Variants in ANO4 observed in about 807,000 individuals in gnomAD.
ANO4 encodes the protein anoctamin 4.
In ANO4, 69 loss-of-function variants were observed where a neutral mutation model predicts 141.9. The observed-to-expected ratio is 0.49, with a 90% CI of 0.40 to 0.59. The LOEUF is 0.59. Among genes scored for constraint, ANO4 ranks in the 20% least tolerant of loss-of-function variants. The pLI, the probability that ANO4 is intolerant of heterozygous loss-of-function variation, is 0.00. For missense variants in ANO4, 894 were observed against 1,162.2 expected, an observed-to-expected ratio of 0.77 and a Z score of 3.36; for synonymous variants, 350 against 394.3, an observed-to-expected ratio of 0.89 and a Z score of 1.33.
At chr12:100,765,667 C>G (rs1249724320) in intron 3 of ANO4, among the ~76,000 whole-genome samples, 2 of 148,584 alleles carry the variant, frequency 1.3e-5, no homozygotes, top group Admixed American at 6.7e-5. Flanking sequence ...TGAGCTACCA[C>G]GCCTGGCCTT....
At chr12:100,773,403 C>A (rs1430096008) in intron 3 of ANO4, among the ~76,000 whole-genome samples, 10 of 152,236 alleles carry the variant, frequency 6.6e-5, no homozygotes, top group Non-Finnish European at 1.5e-4. Context: ...TGAACCTGGT[C>A]ATTGCACAAG....
intron 14 of ANO4, among the ~76,000 whole-genome samples, chr12:101,050,091 G>C (rs1462273270): frequency 6.6e-6 from 1 of 152,172 alleles, no homozygotes; most frequent in Non-Finnish European, 1.5e-5. Flanking sequence ...GGAGGAATTA[G>C]GAGGCTGAAG....
At chr12:100,991,702 T>C (rs2045116076) in intron 8 of ANO4, among the ~76,000 whole-genome samples, 1 of 152,160 alleles carries the variant, frequency 6.6e-6, no homozygotes. Flanking sequence ...TTTTAATTAC[T>C]TTCTCCAAGT....
chr12:100,870,656 G>A (rs1038954879), intron 1 of ANO4, among the ~76,000 whole-genome samples: 46 of 152,038 alleles, frequency 3.0e-4, no homozygotes, highest in Admixed American at 4.6e-4. Context: ...ATTGGGGTTT[G>A]AAAACTCTTT....
At chr12:100,973,723 C>T (rs1313866087) in intron 6 of ANO4, among the ~76,000 whole-genome samples, 4 of 152,126 alleles carry the variant, frequency 2.6e-5, no homozygotes, top group Non-Finnish European at 5.9e-5. Context: ...TAACTAAAGT[C>T]CATAGTTTAC....
chr12:100,787,818 T>A (rs80261804), intron 3 of ANO4, among the ~76,000 whole-genome samples: 6 of 152,074 alleles, frequency 3.9e-5, no homozygotes, highest in African/African-American at 4.8e-5. Context: ...ACAGAGTAGA[T>A]AGCGATGCAT....
At chr12:100,905,362 G>A (rs985083053) in intron 2 of ANO4, among the ~76,000 whole-genome samples, 15 of 152,160 alleles carry the variant, frequency 9.9e-5, no homozygotes, top group African/African-American at 3.4e-4. Flanking sequence ...AAGAGGACAT[G>A]AACCACGAGC....
In ANO4 at chr12:100,939,330, A is replaced by G. The variant is rs758889069; in HGVS notation, c.176A>G (p.Asn59Ser). 6.2e-6 allele frequency: 10 copies of G among 1,613,366 alleles called. No individual in the cohort carries two copies. The highest frequency in any genetic ancestry group is 3.3e-5 in the South Asian group (3 of 90,988). ...TTGGTTCTAGTGGCCAAGGATGTCA[A>G]TATTCTTTTTGATGAATTAGAAGCT... ...NAIQEMAKDVNILFDELEAVS... is the reference protein window; with the variant it reads ...NAIQEMAKDVSILFDELEAVS... The change falls in exon 4 of 28, where the codon AAT (asparagine) becomes AGT (serine). Residue 59 changes from asparagine (N) to serine (S), a missense_variant. Around this residue, in one of 2 missense-constraint regions of ANO4, gnomAD observed 257 missense variants for 253.0 expected, o/e 1.02. Transcript: ENST00000392977.
chr12:101,077,782 C>T (rs963167401), intron 14 of ANO4, among the ~76,000 whole-genome samples: 1 of 152,140 alleles, frequency 6.6e-6, no homozygotes, highest in Non-Finnish European at 1.5e-5. Context: ...GGTCAGGGCT[C>T]ACCACCAGAT....
At chr12:100,940,525 C>T (rs2042466151) in intron 4 of ANO4, among the ~76,000 whole-genome samples, 1 of 152,202 alleles carries the variant, frequency 6.6e-6, no homozygotes, top group Non-Finnish European at 1.5e-5. Context: ...AACTAAAGTG[C>T]TTATTCAGGT....
chr12:100,795,699 A>C (rs749298508), intron 1 of ANO4, among the ~76,000 whole-genome samples: 1 of 152,080 alleles, frequency 6.6e-6, no homozygotes, highest in African/African-American at 2.4e-5. Flanking sequence ...CTCTTCAGAG[A>C]GTGGTAGGGC....
intron 3 of ANO4, among the ~76,000 whole-genome samples, chr12:100,757,196 GT>G (rs1413351881): frequency 6.6e-6 from 1 of 152,158 alleles, no homozygotes; most frequent in Non-Finnish European, 1.5e-5. Flanking sequence ...CATCCAGGTG[GT>G]AAGCCTGTTG....
intron 5 of ANO4, among the ~76,000 whole-genome samples, chr12:100,970,726 C>CTTCT (rs1566072175): frequency 2.5e-5 from 3 of 117,946 alleles, no homozygotes; most frequent in East Asian, 2.7e-4. Context: ...TCCTTCCTTC[C>CTTCT]TTCTTTCTTT....
intron 8 of ANO4, among the ~76,000 whole-genome samples, chr12:100,989,847 G>C (rs1166042921): frequency 1.3e-5 from 2 of 148,696 alleles, no homozygotes; most frequent in African/African-American, 2.5e-5. Flanking sequence ...TGGATGGTTG[G>C]GTATACACAT....
At chr12:100,757,038 C>T (rs1007919180) in intron 3 of ANO4, among the ~76,000 whole-genome samples, 2 of 152,078 alleles carry the variant, frequency 1.3e-5, no homozygotes, top group African/African-American at 4.8e-5. Flanking sequence ...TTTTTTTTAT[C>T]TGTCCCTTCT....
At chr12:101,118,921 A>T (rs1490741154) in intron 25 of ANO4, among the ~76,000 whole-genome samples, 1 of 137,140 alleles carries the variant, frequency 7.3e-6, no homozygotes, top group Non-Finnish European at 1.5e-5. Context: ...CCTGTGTCCA[A>T]GTGTTCTCAT....
In ANO4 at chr12:101,111,812, C is replaced by G. The variant is rs2050676671; in HGVS notation, c.2450+102C>G. 5.6e-6 allele frequency: 6 copies of G among 1,063,192 alleles called. No individual in the cohort carries two copies. The East Asian group carries it at 1.7e-4, about 31-fold the overall frequency. The allele number at this position is 1,063,192 out of a possible 1,614,324, so 65.9% of individuals were successfully genotyped here. Reference sequence around the variant, plus strand: ...TGCACTGGAGAATATGGAATACATGCCCAGAAGGAGAGGCCTGTGATAGGG... The same window carrying G: ...TGCACTGGAGAATATGGAATACATGGCCAGAAGGAGAGGCCTGTGATAGGG... On this transcript the variant is annotated intron_variant, in intron 24 of 27. Coordinates refer to ENST00000392977, the MANE Select transcript of ANO4 (RefSeq NM_001286615.2).
At chr12:100,723,828 CAT>C (rs1352972577) in intron 1 of ANO4, among the ~76,000 whole-genome samples, 2 of 152,142 alleles carry the variant, frequency 1.3e-5, no homozygotes, top group South Asian at 2.1e-4. Flanking sequence ...AGGGCCTTAA[CAT>C]ATGAATTTTG....
At chr12:100,843,834 G>GA (rs1162734884) in intron 1 of ANO4, among the ~76,000 whole-genome samples, 2 of 152,168 alleles carry the variant, frequency 1.3e-5, no homozygotes, top group Non-Finnish European at 2.9e-5. Flanking sequence ...AATATACAAT[G>GA]AGTTGTTCAT....
Sources: allele counts gnomAD v4.1 joint callset (sites outside exome capture counted in the v4.1 genomes callset), GRCh38; gene constraint gnomAD v4.1.1; regional missense constraint gnomAD v4.1.1; transcripts MANE v1.5; gene names NCBI Gene and HGNC (gene_info 2026-07-23, HGNC 2026-07-21).